WDR26: variants seen among roughly 807,000 people sequenced by gnomAD.
The protein encoded by WDR26 is WD repeat domain 26.
In WDR26, 5 loss-of-function variants were observed where a neutral mutation model predicts 84.1. That is an observed-to-expected ratio of 0.06 (90% CI 0.03 to 0.13). The LOEUF is 0.13. Ranked by LOEUF, WDR26 falls within the 10% of genes least tolerant of loss-of-function variation. WDR26 has a pLI of 1.00. For missense variants in WDR26, 642 were observed against 974.9 expected (o/e 0.66, Z 4.55); for synonymous variants, 415 against 389.6 (o/e 1.07, Z -0.77).
rs1470148174 is a variant in WDR26 at position 224,389,020 on chromosome 1, C to T, written c.*815G>A. On this transcript the variant is annotated 3_prime_UTR_variant, in exon 14 of 14. Transcript: ENST00000414423. ...ATGTCCTTCCAAGCACTGTTTCTGA[C>T]CATGTCTCATGTGGTATTCCAGAAG... The T allele has an allele frequency of 2.0e-5, 3 of 152,588 alleles. No individual in the cohort carries two copies. The highest frequency in any genetic ancestry group is 4.4e-5 in the Non-Finnish European group (3 of 68,020). 9.5% of individuals were successfully genotyped at this position (152,588 alleles called of 1,614,324 possible).
At chr1:224,401,671 C>CAAAAAAAAA (rs767368281) in intron 8 of WDR26, among the ~76,000 whole-genome samples, 17 of 49,646 alleles carry the variant, frequency 3.4e-4, no homozygotes, top group African/African-American at 1.1e-3. Context: ...GAGACTGTCT[C>CAAAAAAAAA]AAAAAAAAAA....
chr1:224,420,834 G>A (rs937517621), intron 4 of WDR26, among the ~76,000 whole-genome samples: 4 of 152,144 alleles, frequency 2.6e-5, no homozygotes, highest in South Asian at 2.1e-4. Flanking sequence ...TCCTGACCTC[G>A]TGATCCGCCC....
intron 12 of WDR26, among the ~76,000 whole-genome samples, chr1:224,396,665 TTGA>T (rs1289739710): frequency 6.6e-6 from 1 of 152,196 alleles, no homozygotes; most frequent in East Asian, 1.9e-4. Context: ...AAAGAAAGAA[TTGA>T]TGAATTCAGG....
chr1:224,431,209 C>A, intron 3 of WDR26: 2 of 308,774 alleles, frequency 6.5e-6, no homozygotes, highest in East Asian at 6.3e-5. Flanking sequence ...AAATATAAAA[C>A]CTCTATTAGT....
At chr1:224,407,145 A>ATAT (rs1553355680) in intron 7 of WDR26, among the ~76,000 whole-genome samples, 3 of 23,652 alleles carry the variant, frequency 1.3e-4, no homozygotes, top group East Asian at 3.5e-3. Context: ...AAAAAAAAAA[A>ATAT]AAAAAAATAT....
At chr1:224,423,455 T>C (rs111292316) in intron 4 of WDR26, among the ~76,000 whole-genome samples, 14,334 of 152,240 alleles carry the variant, frequency 0.094, 2,130 homozygotes, top group African/African-American at 0.31. Context: ...ATCCAGAATT[T>C]TGTTTTGAGG....
chr1:224,434,628 G>C lies in WDR26; in HGVS notation c.-223C>G. 1.7e-6 allele frequency: 1 copy of C among 602,912 alleles called. No individual in the cohort carries two copies. The highest frequency in any genetic ancestry group is 2.1e-6 in the Non-Finnish European group (1 of 483,638). The allele number at this position is 602,912 out of a possible 1,614,324, so 37.3% of individuals were successfully genotyped here. On this transcript the variant is annotated 5_prime_UTR_variant, in exon 1 of 14. Transcript: ENST00000414423. ...CGCGGCCCGGGGGTCGCGCCGGGGG[G>C]CGCCGCGGGGCGGCTGCGGGGGCGC...
chr1:224,434,198 C>T lies in WDR26; in HGVS notation c.208G>A (p.Val70Ile), dbSNP rs1674525520. The T allele has an allele frequency of 7.1e-7, 1 of 1,410,996 alleles. No homozygotes were observed. The allele number at this position is 1,410,996 out of a possible 1,614,324, so 87.4% of individuals were successfully genotyped here. ...GCAGCCGGGGGAAGTCCCACCACTA[C>T]CACCACGGAGGAGGAGGAGGAGGAG... is the stretch of plus-strand genomic sequence containing the variant. The change falls in exon 1 of 14, where the codon GTA (valine) becomes ATA (isoleucine). Residue 70 changes from valine (V) to isoleucine (I), a missense_variant. Val to Ile is a conservative substitution (Grantham distance 29, BLOSUM62 3). Transcript: ENST00000414423.
chr1:224,427,871 T>C (rs1321247214), intron 3 of WDR26, among the ~76,000 whole-genome samples: 8 of 152,138 alleles, frequency 5.3e-5, no homozygotes, highest in Non-Finnish European at 1.2e-4. Flanking sequence ...CTGAAAACAT[T>C]GTAAAAATCA....
rs776123349 is a variant in WDR26, at chr1:224,386,885, C to G, written c.*2950G>C. On this transcript the variant is annotated 3_prime_UTR_variant, in exon 14 of 14. Transcript: ENST00000414423. ...GACTAAAAAAATACAAAAACCAAAG[C>G]TGAAGCTTTGTCATCCCTCCCCACT... The G allele has an allele frequency of 1.3e-5, 2 of 152,156 alleles. No homozygotes were observed. Among genetic ancestry groups the G allele is most frequent in the Non-Finnish European group, 2.9e-5 (2 of 68,020 alleles). The allele number at this position is 152,156 out of a possible 1,614,324, so 9.4% of individuals were successfully genotyped here.
intron 4 of WDR26, among the ~76,000 whole-genome samples, chr1:224,424,239 T>C (rs932755964): frequency 6.6e-6 from 1 of 152,234 alleles, no homozygotes; most frequent in Non-Finnish European, 1.5e-5. Flanking sequence ...CTACAAAAGC[T>C]GTCCTTGGAA....
At chr1:224,431,608 C>T (rs760990913) in intron 2 of WDR26, 27 bp from the exon 3 acceptor site, 1 of 1,611,552 alleles carries the variant, frequency 6.2e-7, no homozygotes, top group South Asian at 1.1e-5. Context: ...AAAAGAAAAA[C>T]AGAAATGTCA....
At chr1:224,415,425 G>T (rs977104612) in intron 6 of WDR26, among the ~76,000 whole-genome samples, 33 of 144,860 alleles carry the variant, frequency 2.3e-4, no homozygotes, top group African/African-American at 8.3e-4. Context: ...GATGAGGGAA[G>T]AAACAATTCT....
chr1:224,414,816 C>CA (rs34111301), intron 6 of WDR26, among the ~76,000 whole-genome samples: 104,001 of 151,318 alleles, frequency 0.69, 38,168 homozygotes, highest in East Asian at 0.99. Context: ...ACCCCATCTC[C>CA]AAAAAAAAGA....
intron 1 of WDR26, 25 bp downstream of exon 1, chr1:224,433,659 C>T: frequency 1.4e-6 from 2 of 1,416,584 alleles, no homozygotes; most frequent in South Asian, 1.4e-5. Context: ...CTGTCCATCA[C>T]CAGCTGGCGG....
Position 224,434,608 on chromosome 1 carries a change from C to T in WDR26, c.-203G>A. ...CCCGGAGGCAGCTCGGGGTGCGCGG[C>T]CCGGGGGTCGCGCCGGGGGGCGCCG... On this transcript the variant is annotated 5_prime_UTR_variant, in exon 1 of 14. Transcript: ENST00000414423. 1 of 534,510 alleles carries T rather than the reference C, an allele frequency of 1.9e-6. No homozygotes were observed. The highest frequency in any genetic ancestry group is 6.6e-5 in the Admixed American group (1 of 15,148). The allele number at this position is 534,510 out of a possible 1,614,324, so 33.1% of individuals were successfully genotyped here.
In WDR26 at chr1:224,400,030, T is replaced by C. The variant is rs540459807; in HGVS notation, c.1719+920A>G. 1.8e-4 allele frequency among the ~76,000 whole-genome samples: 27 copies of C among 152,212 alleles called. 1 individual carries two copies. The South Asian group carries it at 4.8e-3, about 27-fold the overall frequency. ...ATACTGGGACCATGTGAGTCTGTAA[T>C]ATGAGACACAGAATCTAGACTACAC... is the stretch of plus-strand genomic sequence containing the variant. On this transcript the variant is annotated intron_variant, in intron 9 of 13. Coordinates refer to ENST00000414423, the MANE Select transcript of WDR26 (RefSeq NM_001379403.1).
intron 7 of WDR26, among the ~76,000 whole-genome samples, chr1:224,409,349 T>C (rs1342949798): frequency 1.3e-5 from 2 of 152,206 alleles, no homozygotes; most frequent in East Asian, 1.9e-4. Flanking sequence ...ATACATAACA[T>C]ATATTTGGCC....
chr1:224,394,558 G>A (rs1443234564), intron 12 of WDR26, among the ~76,000 whole-genome samples: 1 of 150,934 alleles, frequency 6.6e-6, no homozygotes, highest in Non-Finnish European at 1.5e-5. Flanking sequence ...AGGCTGGAGC[G>A]CAGTGGCAAT....
Sources: allele counts gnomAD v4.1 joint callset (sites outside exome capture counted in the v4.1 genomes callset), GRCh38; gene constraint gnomAD v4.1.1; transcripts MANE v1.5; gene names NCBI Gene and HGNC (gene_info 2026-07-23, HGNC 2026-07-21).